KHDRBS3: variants seen among roughly 807,000 people sequenced by gnomAD.
KHDRBS3 encodes KH RNA binding domain containing, signal transduction associated 3, also known as KH domain-containing, RNA-binding, signal transduction-associated protein 3.
A neutral mutation model predicts 45.6 loss-of-function variants in KHDRBS3; 23 were observed. The ratio of observed to expected loss-of-function variants is 0.50; its 90% CI spans 0.36 to 0.72. KHDRBS3 has a LOEUF of 0.72. Among genes scored for constraint, KHDRBS3 ranks in the 30% least tolerant of loss-of-function variants. The pLI is 0.00. For missense variants in KHDRBS3, 352 were observed against 424.8 expected (o/e 0.83, Z 1.51); for synonymous variants, 162 against 156.5 (o/e 1.04, Z -0.26).
At chr8:135,606,619 C>T (rs1829475640) in intron 6 of KHDRBS3, among the ~76,000 whole-genome samples, 2 of 151,838 alleles carry the variant, frequency 1.3e-5, no homozygotes, top group African/African-American at 4.8e-5. Context: ...GGGAATAAGA[C>T]AAGTTAGAAT....
At chr8:135,542,507 ACAT>A in intron 2 of KHDRBS3, 144 bp from the exon 3 acceptor site, 1 of 591,894 alleles carries the variant, frequency 1.7e-6, no homozygotes, top group East Asian at 2.7e-5. Context: ...TGTGTGGGAA[ACAT>A]CATATTTTAA....
chr8:135,577,617 T>C (rs1392189577), intron 5 of KHDRBS3, among the ~76,000 whole-genome samples: 1 of 152,208 alleles, frequency 6.6e-6, no homozygotes, highest in Non-Finnish European at 1.5e-5. Context: ...TGAATCATTT[T>C]CTACTGTATG....
chr8:135,567,816 A>G (rs2130872998), intron 5 of KHDRBS3, among the ~76,000 whole-genome samples: 1 of 152,344 alleles, frequency 6.6e-6, no homozygotes, highest in South Asian at 2.1e-4. Flanking sequence ...TTAGCCTTGG[A>G]CTGAATACAT....
chr8:135,552,931 C>T (rs2130813766), intron 4 of KHDRBS3, among the ~76,000 whole-genome samples: 1 of 152,196 alleles, frequency 6.6e-6, no homozygotes, highest in South Asian at 2.1e-4. Flanking sequence ...AGACTCTCGC[C>T]ATGTCCACCC....
intron 5 of KHDRBS3, among the ~76,000 whole-genome samples, chr8:135,559,071 G>A (rs1827038265): frequency 6.6e-6 from 1 of 152,140 alleles, no homozygotes; most frequent in Non-Finnish European, 1.5e-5. Context: ...GGGCACACCA[G>A]GGTAATCCAG....
chr8:135,606,033 ATTTC>A (rs1479117506), intron 6 of KHDRBS3, among the ~76,000 whole-genome samples: 1 of 152,004 alleles, frequency 6.6e-6, no homozygotes, highest in Non-Finnish European at 1.5e-5. Context: ...TAAAGTCTCT[ATTTC>A]TTGTGCATTG....
chr8:135,599,790 T>G (rs1246144299), intron 6 of KHDRBS3, among the ~76,000 whole-genome samples: 1 of 152,216 alleles, frequency 6.6e-6, no homozygotes, highest in Non-Finnish European at 1.5e-5. Flanking sequence ...GCCTGGAGTC[T>G]TCTTGTTGGC....
At chr8:135,509,429 C>T (rs536148092) in intron 1 of KHDRBS3, among the ~76,000 whole-genome samples, 4 of 152,142 alleles carry the variant, frequency 2.6e-5, no homozygotes, top group Non-Finnish European at 5.9e-5. Context: ...ATAAAGCCTC[C>T]AGTATAGAGT....
intron 1 of KHDRBS3, among the ~76,000 whole-genome samples, chr8:135,494,657 C>CA (rs35244148): frequency 0.56 from 85,223 of 151,946 alleles, 24,765 homozygotes; most frequent in East Asian, 0.78. Context: ...CCATTTGTAT[C>CA]AATGCAGGAT....
chr8:135,620,608 G>C (rs1208011108), intron 7 of KHDRBS3, among the ~76,000 whole-genome samples: 2 of 152,190 alleles, frequency 1.3e-5, no homozygotes, highest in African/African-American at 4.8e-5. Context: ...TATACCTTTT[G>C]AAGATATTGT....
chr8:135,575,251 G>A (rs959607126), intron 5 of KHDRBS3, among the ~76,000 whole-genome samples: 2 of 152,212 alleles, frequency 1.3e-5, no homozygotes, highest in Non-Finnish European at 2.9e-5. Flanking sequence ...ATATGCACCT[G>A]TAGTGGCTTA....
chr8:135,547,927 G>A (rs555400583), intron 3 of KHDRBS3, among the ~76,000 whole-genome samples: 2 of 152,116 alleles, frequency 1.3e-5, no homozygotes, highest in African/African-American at 2.4e-5. Flanking sequence ...GTTCCTTAAC[G>A]ATCTGTTTTT....
intron 7 of KHDRBS3, among the ~76,000 whole-genome samples, chr8:135,614,288 G>A (rs1451485153): frequency 6.6e-6 from 1 of 151,722 alleles, no homozygotes; most frequent in Non-Finnish European, 1.5e-5. Flanking sequence ...AAAACGAATG[G>A]GTGATAATGA....
At chr8:135,567,178 T>A (rs1239013492) in intron 5 of KHDRBS3, among the ~76,000 whole-genome samples, 1 of 152,102 alleles carries the variant, frequency 6.6e-6, no homozygotes, top group African/African-American at 2.4e-5. Flanking sequence ...TTTTAAGCTA[T>A]TCCCTTGTGA....
chr8:135,647,828 G>A (rs1032674293), downstream of KHDRBS3: 2 of 152,266 alleles, frequency 1.3e-5, no homozygotes, highest in African/African-American at 2.4e-5. Context: ...AAATGGTATC[G>A]AGCTGCTTGA....
chr8:135,650,878 G>GTTCTGACTTCTTA (rs1831415093), downstream of KHDRBS3, among the ~76,000 whole-genome samples: 1 of 152,134 alleles, frequency 6.6e-6, no homozygotes, highest in Non-Finnish European at 1.5e-5. Context: ...TTATACTCAG[G>GTTCTGACTTCTTA]TATTCCAAGT....
intron 5 of KHDRBS3, among the ~76,000 whole-genome samples, chr8:135,567,524 A>G (rs1299076703): frequency 6.6e-6 from 1 of 152,222 alleles, no homozygotes; most frequent in Non-Finnish European, 1.5e-5. Flanking sequence ...TGGCAAAGCA[A>G]TTACTAAGTG....
rs929117737 is a variant in KHDRBS3 at position 135,603,496 on chromosome 8, G to A, written c.808-3459G>A. 2.2e-4 allele frequency among the ~76,000 whole-genome samples: 33 copies of A among 152,122 alleles called. 1 individual carries two copies. The highest frequency in any genetic ancestry group is 2.2e-3 in the Admixed American group (33 of 15,264). ...TACTCAAATTAGTAATCTGCCTTCA[G>A]CTACTATGAAGAACACTGTGGCTTG... is the stretch of plus-strand genomic sequence containing the variant. On this transcript the variant is annotated intron_variant, in intron 6 of 8. Coordinates refer to ENST00000355849, the MANE Select transcript of KHDRBS3 (RefSeq NM_006558.3).
chr8:135,469,517 GTTTTGGTTTTTTTTTTTTTTTT>G (rs1821884401), intron 1 of KHDRBS3, among the ~76,000 whole-genome samples: 1 of 30,678 alleles, frequency 3.3e-5, no homozygotes, highest in South Asian at 1.2e-3. Flanking sequence ...TTTTTTTTTT[GTTTTGGTTTTTTTTTTTTTTTT>G]TTTTTTTTGA....
Sources: gnomAD v4.1 joint callset for allele counts (sites outside exome capture counted in the v4.1 genomes callset) on GRCh38, gnomAD v4.1.1 for gene constraint, MANE v1.5 for transcripts, NCBI Gene and HGNC (gene_info 2026-07-23, HGNC 2026-07-21) for gene names.